The following XIRP2 variants were observed in gnomAD, a reference collection of about 807,000 sequenced individuals.
XIRP2 encodes the protein xin actin binding repeat containing 2.
A neutral mutation model predicts 277.0 loss-of-function variants in XIRP2; 236 were observed. That is an observed-to-expected ratio of 0.85 (90% CI 0.77 to 0.95). The LOEUF (loss-of-function observed/expected upper bound fraction) is 0.95, where lower values mean the gene tolerates loss of function less well. XIRP2 is among the 40% of genes least tolerant of loss of function. The probability of loss-of-function intolerance (pLI) is 0.00; values close to 1 mark genes in which losing one functional copy is unlikely to be tolerated. For synonymous variants in XIRP2, 1,490 were observed against 1,416.5 expected, an observed-to-expected ratio of 1.05 and a Z score of -1.17; for missense variants, 4,640 against 4,157.5, an observed-to-expected ratio of 1.12 and a Z score of -3.19.
Position 167,162,635 on chromosome 2 carries a change from A to G in XIRP2, c.562+26573A>G, listed in dbSNP as rs1312124683. ...TTTAAGATGAGATTTGGGTGGGGACACAGCCAAACCATATCAACCAGTTTA... is the reference window on the plus strand; with the variant it reads ...TTTAAGATGAGATTTGGGTGGGGACGCAGCCAAACCATATCAACCAGTTTA... On this transcript the variant is annotated intron_variant, in intron 3 of 10. Coordinates refer to ENST00000409195, the MANE Select transcript of XIRP2 (RefSeq NM_152381.6). 3.3e-5 allele frequency among the ~76,000 whole-genome samples: 5 copies of G among 152,244 alleles called. No individual in the cohort carries two copies. In the South Asian group the frequency reaches 8.3e-4, roughly 25 times the overall value.
At chr2:166,971,782 A>T (rs937252120) in intron 2 of XIRP2, among the ~76,000 whole-genome samples, 2 of 152,134 alleles carry the variant, frequency 1.3e-5, no homozygotes, top group Non-Finnish European at 2.9e-5. Context: ...TTAATTATTC[A>T]TATCTGAGGT....
chr2:167,116,498 C>T (rs887678746), intron 2 of XIRP2, among the ~76,000 whole-genome samples: 10 of 151,938 alleles, frequency 6.6e-5, no homozygotes, highest in South Asian at 4.1e-4. Context: ...TGTCTTTTTT[C>T]GACTTATTCT....
chr2:166,935,121 A>G (rs1174576990), intron 2 of XIRP2, among the ~76,000 whole-genome samples: 1 of 152,132 alleles, frequency 6.6e-6, no homozygotes, highest in Non-Finnish European at 1.5e-5. Flanking sequence ...AATTGGGTAC[A>G]TTGATGATCC....
At chr2:167,023,725 T>C (rs1688056363) in intron 2 of XIRP2, among the ~76,000 whole-genome samples, 1 of 152,180 alleles carries the variant, frequency 6.6e-6, no homozygotes. Context: ...CCTTTCCCCA[T>C]TGCTTGATTT....
At chr2:167,187,345 A>G in intron 3 of XIRP2, 1 of 985,370 alleles carries the variant, frequency 1.0e-6, no homozygotes, top group East Asian at 1.1e-4. Context: ...CTGCTAAAAT[A>G]AATTCAGCCG....
chr2:167,012,610 C>G (rs1472242917), intron 2 of XIRP2, among the ~76,000 whole-genome samples: 1 of 151,606 alleles, frequency 6.6e-6, no homozygotes, highest in Non-Finnish European at 1.5e-5. Flanking sequence ...AGGCCATATA[C>G]TCACCTTTCT....
rs751799514 is a variant in XIRP2, at chr2:167,251,196, A to G, written c.9804A>G (p.Arg3268=). 63 of 1,613,406 alleles carry G rather than the reference A, an allele frequency of 3.9e-5. No individual in the cohort carries two copies. Among genetic ancestry groups the G allele is most frequent in the Non-Finnish European group, 5.0e-5 (59 of 1,179,726 alleles). The part of the protein sequence containing the change: ...AQEEIRKVEK[R]ATYVHKDGLN... ...AGGAAATCAGGAAAGTGGAGAAGAGAGCTACTTATGTTCATAAAGATGGAC... is the reference window on the plus strand; with the variant it reads ...AGGAAATCAGGAAAGTGGAGAAGAGGGCTACTTATGTTCATAAAGATGGAC... The change falls in exon 9 of 11, where the codon AGA becomes AGG. Residue 3268 remains arginine (R), a synonymous_variant. Coordinates refer to ENST00000409195, the MANE Select transcript of XIRP2 (RefSeq NM_152381.6).
At chr2:167,190,268 C>G (rs182816205) in intron 3 of XIRP2, among the ~76,000 whole-genome samples, 92 of 152,226 alleles carry the variant, frequency 6.0e-4, no homozygotes, top group African/African-American at 2.2e-3. Context: ...TGAACTCAAT[C>G]TCCACCTCTC....
intron 2 of XIRP2, among the ~76,000 whole-genome samples, chr2:167,120,520 T>C (rs948553021): frequency 3.3e-5 from 5 of 152,190 alleles, no homozygotes; most frequent in African/African-American, 1.2e-4. Flanking sequence ...ATGATCACTA[T>C]GGTATGTCTG....
intron 2 of XIRP2, among the ~76,000 whole-genome samples, chr2:167,023,087 C>A (rs1448040865): frequency 6.6e-6 from 1 of 152,158 alleles, no homozygotes; most frequent in African/African-American, 2.4e-5. Context: ...TAAAAGTATT[C>A]CTATTTCTCC....
chr2:167,128,459 G>T (rs1252619792), intron 2 of XIRP2, among the ~76,000 whole-genome samples: 1 of 152,070 alleles, frequency 6.6e-6, no homozygotes. Context: ...GGCGAGCTGG[G>T]AAACCCGTGA....
At chr2:167,157,542 A>G (rs1692236157) in intron 3 of XIRP2, among the ~76,000 whole-genome samples, 1 of 151,994 alleles carries the variant, frequency 6.6e-6, no homozygotes, top group South Asian at 2.1e-4. Context: ...CTTTTTCTCC[A>G]TTTATTCTAG....
chr2:167,204,314 G>GT (rs1693798622), intron 3 of XIRP2, among the ~76,000 whole-genome samples: 2 of 152,174 alleles, frequency 1.3e-5, no homozygotes, highest in South Asian at 4.1e-4. Context: ...TGTATATGCA[G>GT]TATGAGTCAG....
rs537436896 is a variant in XIRP2 at position 167,093,794 on chromosome 2, C to T, written c.409-42115C>T. Among the ~76,000 whole-genome samples the T allele has an allele frequency of 2.2e-3, 341 of 152,066 alleles. 1 individual carries two copies. The highest frequency in any genetic ancestry group is 3.0e-3 in the Non-Finnish European group (202 of 68,024). ...ATAAACATATGTGTGCAAGTGTCTT[C>T]ATAGTAGAATGATTTATAATCCTTT... On this transcript the variant is annotated intron_variant, in intron 2 of 10. Transcript: ENST00000409195.
intron 2 of XIRP2, among the ~76,000 whole-genome samples, chr2:167,030,690 A>T (rs1005388789): frequency 1.3e-5 from 2 of 152,124 alleles, no homozygotes; most frequent in African/African-American, 4.8e-5. Context: ...TATTCTGTTG[A>T]TTTCGGGTAA....
chr2:167,173,786 AGCCTTTATTAAT>A (rs1692764124), intron 3 of XIRP2, among the ~76,000 whole-genome samples: 1 of 152,174 alleles, frequency 6.6e-6, no homozygotes, highest in South Asian at 2.1e-4. Flanking sequence ...CAACCTCACC[AGCCTTTATTAAT>A]GCCTGGCTTT....
intron 2 of XIRP2, among the ~76,000 whole-genome samples, chr2:166,978,680 T>C (rs1478822770): frequency 3.9e-5 from 6 of 152,124 alleles, no homozygotes; most frequent in African/African-American, 1.4e-4. Context: ...TTCCTGTTTG[T>C]ATATAAAAAA....
chr2:167,198,927 A>C (rs1693600835), intron 3 of XIRP2, among the ~76,000 whole-genome samples: 1 of 152,214 alleles, frequency 6.6e-6, no homozygotes, highest in Admixed American at 6.5e-5. Context: ...CAGAGAAAGC[A>C]TTTTAAACAA....
chr2:166,927,057 ATAT>A (rs1685207970), intron 2 of XIRP2, among the ~76,000 whole-genome samples: 1 of 152,176 alleles, frequency 6.6e-6, no homozygotes, highest in African/African-American at 2.4e-5. Context: ...TTCCTATATA[ATAT>A]TATTTTTCTG....
Sources: allele counts gnomAD v4.1 joint callset (sites outside exome capture counted in the v4.1 genomes callset), GRCh38; gene constraint gnomAD v4.1.1; transcripts MANE v1.5; gene names NCBI Gene and HGNC (gene_info 2026-07-23, HGNC 2026-07-21).